RBM20: variants seen among roughly 807,000 people sequenced by gnomAD.
RBM20 encodes the protein RNA binding motif protein 20, also known as RNA-binding protein 20.
A neutral mutation model predicts 110.1 loss-of-function variants in RBM20; 51 were observed. The observed-to-expected ratio is 0.46, with a 90% confidence interval of 0.37 to 0.59. The LOEUF (loss-of-function observed/expected upper bound fraction) is 0.59, where lower values mean the gene tolerates loss of function less well. RBM20 is among the 20% of genes least tolerant of loss of function. The pLI is 0.00. For synonymous variants in RBM20, 589 were observed against 618.2 expected (o/e 0.95, Z 0.70); for missense variants, 1,512 against 1,574.9 (o/e 0.96, Z 0.68).
At chr10:110,729,678 A>G (rs1843600145) in intron 1 of RBM20, among the ~76,000 whole-genome samples, 1 of 152,116 alleles carries the variant, frequency 6.6e-6, no homozygotes, top group Admixed American at 6.5e-5. Flanking sequence ...TGTAGAGAAC[A>G]CTGGCCCTTG....
chr10:110,798,788 G>A (rs1844584407), intron 6 of RBM20, among the ~76,000 whole-genome samples: 1 of 152,146 alleles, frequency 6.6e-6, no homozygotes, highest in Non-Finnish European at 1.5e-5. Context: ...CACAGTGAGG[G>A]CTTCCCTGTC....
chr10:110,836,051 G>A lies in RBM20; in HGVS notation c.*73G>A, dbSNP rs1845124485. The A allele has an allele frequency of 1.5e-6, 1 of 650,076 alleles. No individual in the cohort carries two copies. 40.3% of individuals were successfully genotyped at this position (650,076 alleles called of 1,614,324 possible). A position where few individuals can be genotyped will look rare whatever the true frequency, so the allele number is the denominator to read the frequency against. On this transcript the variant is annotated 3_prime_UTR_variant, in exon 14 of 14. Coordinates refer to ENST00000369519, the MANE Select transcript of RBM20 (RefSeq NM_001134363.3). ...GAGCTTGCTGAAGTGGGGCCTTCCT[G>A]ATTCTGGGGACAGGACTAAAGCCTG... is the stretch of plus-strand genomic sequence containing the variant.
Position 110,644,397 on chromosome 10 carries a change from C to G in RBM20, c.-58C>G. The G allele has an allele frequency of 1.5e-6, 2 of 1,349,842 alleles. No individual in the cohort carries two copies. Among genetic ancestry groups the G allele is most frequent in the Non-Finnish European group, 1.9e-6 (2 of 1,044,624 alleles). 83.6% of individuals were successfully genotyped at this position (1,349,842 alleles called of 1,614,324 possible). A position where few individuals can be genotyped will look rare whatever the true frequency, so the allele number is the denominator to read the frequency against. ...ACCCCGGCCAGTGAGCGCCCGTGGC[C>G]CGGGACCGCCCCTCCCTTGAGCTCT... is the stretch of plus-strand genomic sequence containing the variant. On this transcript the variant is annotated 5_prime_UTR_variant, in exon 1 of 14. Transcript: ENST00000369519. The surrounding 1 kb of genome is among the most constrained non-coding windows in gnomAD (Gnocchi z 4.3).
At chr10:110,696,969 C>A (rs1261419633) in intron 1 of RBM20, among the ~76,000 whole-genome samples, 1 of 152,186 alleles carries the variant, frequency 6.6e-6, no homozygotes, top group Non-Finnish European at 1.5e-5. Flanking sequence ...TCCCTGCCAC[C>A]AAAGGCAACC....
At chr10:110,704,650 A>G (rs1466498331) in intron 1 of RBM20, among the ~76,000 whole-genome samples, 1 of 152,206 alleles carries the variant, frequency 6.6e-6, no homozygotes, top group Non-Finnish European at 1.5e-5. Flanking sequence ...GAGGGGATTC[A>G]GATGGTTTGG....
chr10:110,648,030 C>G (rs1284914463), intron 1 of RBM20, among the ~76,000 whole-genome samples: 1 of 152,138 alleles, frequency 6.6e-6, no homozygotes, highest in Non-Finnish European at 1.5e-5. Flanking sequence ...GCAAAATATT[C>G]CTGGGTAATG....
At chr10:110,774,411 G>C (rs531325885) in intron 1 of RBM20, among the ~76,000 whole-genome samples, 10 of 152,328 alleles carry the variant, frequency 6.6e-5, no homozygotes, top group African/African-American at 2.4e-4. Context: ...GGCCAAGCTA[G>C]TGAAGACCCA....
chr10:110,722,544 C>A (rs1056634946), intron 1 of RBM20, among the ~76,000 whole-genome samples: 6 of 152,122 alleles, frequency 3.9e-5, no homozygotes, highest in Non-Finnish European at 1.5e-5. Context: ...AGTTTCACTG[C>A]CCTAGTGAAA....
chr10:110,673,631 C>G (rs550321774), intron 1 of RBM20, among the ~76,000 whole-genome samples: 39 of 152,318 alleles, frequency 2.6e-4, no homozygotes, highest in Non-Finnish European at 4.7e-4. Flanking sequence ...GATAATGTCA[C>G]TAAGGCCACA....
intron 1 of RBM20, among the ~76,000 whole-genome samples, chr10:110,673,851 AT>A (rs1862295381): frequency 1.3e-5 from 2 of 152,168 alleles, no homozygotes; most frequent in East Asian, 3.9e-4. Context: ...GCCATCAGAA[AT>A]TGTTATGAGC....
At chr10:110,660,546 C>T (rs1862088076) in intron 1 of RBM20, among the ~76,000 whole-genome samples, 1 of 152,178 alleles carries the variant, frequency 6.6e-6, no homozygotes, top group East Asian at 1.9e-4. Context: ...ACTCGCATTA[C>T]TGCCTGAGCT....
At chr10:110,680,181 C>T (rs1392772204) in intron 1 of RBM20, among the ~76,000 whole-genome samples, 5 of 152,016 alleles carry the variant, frequency 3.3e-5, no homozygotes, top group African/African-American at 1.2e-4. Flanking sequence ...GGCAAAACCA[C>T]TGGAATGTTC....
intron 1 of RBM20, among the ~76,000 whole-genome samples, chr10:110,648,230 T>G (rs1354723516): frequency 6.6e-6 from 1 of 152,248 alleles, no homozygotes; most frequent in Non-Finnish European, 1.5e-5. Flanking sequence ...CTCTTTGATC[T>G]ATAGTCTTCC....
In RBM20 at chr10:110,799,884, G is replaced by T. The variant is rs368716639; in HGVS notation, c.1766G>T (p.Arg589Leu). The change falls in exon 7 of 14, where the codon CGG becomes CTG. Residue 589 changes from arginine (R) to leucine (L), a missense_variant. Coordinates refer to ENST00000369519, the MANE Select transcript of RBM20 (RefSeq NM_001134363.3). The stretch of plus-strand genomic sequence containing the variant: ...ATCAATGGTGAGAAGTTGCTCATTC[G>T]GATGTCCAAGAGATACAAGGAATTG... Reference protein sequence around the residue: ...AVINGEKLLIRMSKRYKELQL... With the variant: ...AVINGEKLLILMSKRYKELQL... The T allele has an allele frequency of 2.6e-6, 4 of 1,551,928 alleles. No homozygotes were observed. The highest frequency in any genetic ancestry group is 3.5e-6 in the Non-Finnish European group (4 of 1,147,046).
At chr10:110,792,749 A>G (rs1326652509) in intron 5 of RBM20, among the ~76,000 whole-genome samples, 1 of 152,220 alleles carries the variant, frequency 6.6e-6, no homozygotes, top group Admixed American at 6.5e-5. Context: ...AGAATTATTC[A>G]TGGAGCTGCA....
rs1398826926 is a variant in RBM20, at chr10:110,735,308, G to A, written c.192-45493G>A. ...TCTTGGAACATATCCCCCCATTGCAGATAAGGGAGAACTACCATAAACATG... is the reference window on the plus strand; with the variant it reads ...TCTTGGAACATATCCCCCCATTGCAAATAAGGGAGAACTACCATAAACATG... On this transcript the variant is annotated intron_variant, in intron 1 of 13. Transcript: ENST00000369519. Among the ~76,000 whole-genome samples, 5 of 152,204 alleles carry A rather than the reference G, an allele frequency of 3.3e-5. No homozygotes were observed. In the South Asian group the frequency reaches 1.0e-3, roughly 32 times the overall value.
At chr10:110,835,846 A>G (rs547773607) in intron 13 of RBM20, 22 bp from the exon 14 acceptor site, 31 of 1,550,150 alleles carry the variant, frequency 2.0e-5, no homozygotes, top group Non-Finnish European at 2.6e-5. Flanking sequence ...CCCTTCCTCC[A>G]CTTCCCCTCT....
At chr10:110,731,159 T>G (rs191881244) in intron 1 of RBM20, among the ~76,000 whole-genome samples, 9 of 152,328 alleles carry the variant, frequency 5.9e-5, no homozygotes, top group Admixed American at 4.6e-4. Context: ...ATGAGGCCAC[T>G]TCTCGATATT....
At chr10:110,703,352 T>C (rs958743828) in intron 1 of RBM20, among the ~76,000 whole-genome samples, 4 of 149,984 alleles carry the variant, frequency 2.7e-5, no homozygotes, top group African/African-American at 9.8e-5. Context: ...CACTCTAGCC[T>C]GGACAACAAC....
Sources: gnomAD v4.1 joint callset for allele counts (sites outside exome capture counted in the v4.1 genomes callset) on GRCh38, gnomAD v4.1.1 for gene constraint, Gnocchi (gnomAD v3.1) non-coding constraint, MANE v1.5 for transcripts, NCBI Gene and HGNC (gene_info 2026-07-23, HGNC 2026-07-21) for gene names.